The following IGF2R variants were observed in gnomAD, a reference collection of about 807,000 sequenced individuals.
IGF2R encodes cation-independent mannose-6-phosphate receptor.
IGF2R carries 91 observed loss-of-function variants against 270.6 expected under a neutral mutation model. The observed-to-expected ratio is 0.34, with a 90% confidence interval of 0.28 to 0.40. The LOEUF (loss-of-function observed/expected upper bound fraction) is 0.40, where lower values mean the gene tolerates loss of function less well. IGF2R is among the 10% of genes least tolerant of loss of function. IGF2R has a pLI of 1.00. For synonymous variants in IGF2R, 1,316 were observed against 1,258.9 expected, an observed-to-expected ratio of 1.05 and a Z score of -0.96; for missense variants, 2,805 against 3,188.3, an observed-to-expected ratio of 0.88 and a Z score of 2.90.
chr6:159,988,587 A>G (rs76665894), intron 1 of IGF2R, among the ~76,000 whole-genome samples: 6 of 145,110 alleles, frequency 4.1e-5, no homozygotes, highest in African/African-American at 1.3e-4. Context: ...GTTGATTCCT[A>G]CCAGTTAACT....
In IGF2R at chr6:160,027,194, G is replaced by A. The variant is rs777003793; in HGVS notation, c.656G>A (p.Arg219Gln). The A allele has an allele frequency of 1.1e-5, 17 of 1,614,188 alleles. No individual in the cohort carries two copies. The Admixed American group carries it at 1.3e-4, about 13-fold the overall frequency. The change falls in exon 6 of 48, where the codon CGA becomes CAA. Residue 219 changes from arginine (R) to glutamine (Q), a missense_variant. By Grantham distance (43) the Arg-to-Gln change is conservative (BLOSUM62 1). This residue lies in a region of IGF2R where 954 missense variants were observed against 981.1 expected (regional missense o/e 0.97). Coordinates refer to ENST00000356956, the MANE Select transcript of IGF2R (RefSeq NM_000876.4). ...INVCRDIDTLRDPGSQLRACP... is the reference protein window; with the variant it reads ...INVCRDIDTLQDPGSQLRACP... The stretch of plus-strand genomic sequence containing the variant: ...AATACATGATTTTCAGACACACTAC[G>A]AGACCCAGGTTCACAGCTGCGGGCC...
At chr6:160,009,666 G>A (rs563673730) in intron 3 of IGF2R, among the ~76,000 whole-genome samples, 2 of 152,284 alleles carry the variant, frequency 1.3e-5, no homozygotes, top group Admixed American at 6.5e-5. Context: ...TGGGCATATT[G>A]TATGTAATTT....
Position 160,089,899 on chromosome 6 carries a change from CT to C in IGF2R, c.6468-13del. On this transcript the variant is annotated splice_polypyrimidine_tract_variant and intron_variant, in intron 43 of 47. Transcript: ENST00000356956. ...TGAAGGACTTCCATGTCACTGTGAT[CT>C]TTTCTGTCTCTTCAGGCTGTTCAGA... 1 of 1,523,674 alleles carries C rather than the reference CT, an allele frequency of 6.6e-7. No individual in the cohort carries two copies. The highest frequency in any genetic ancestry group is 1.3e-5 in the South Asian group (1 of 79,382). 94.4% of individuals were successfully genotyped at this position (1,523,674 alleles called of 1,614,324 possible).
At chr6:160,077,139 C>T (rs984379050) in intron 36 of IGF2R, among the ~76,000 whole-genome samples, 1 of 152,166 alleles carries the variant, frequency 6.6e-6, no homozygotes, top group African/African-American at 2.4e-5. Flanking sequence ...CCCAGAGCAC[C>T]TCAAAGCCCT....
At chr6:160,019,653 T>A (rs1777386406) in intron 4 of IGF2R, among the ~76,000 whole-genome samples, 1 of 152,160 alleles carries the variant, frequency 6.6e-6, no homozygotes, top group South Asian at 2.1e-4. Flanking sequence ...GTTGCAAGGA[T>A]GGTTCAGTGT....
chr6:160,080,349 C>G, intron 39 of IGF2R, 74 bp downstream of exon 39: 1 of 1,408,052 alleles, frequency 7.1e-7, no homozygotes. Context: ...ACACTGAGAC[C>G]TTTGTGGATG....
Position 160,096,599 on chromosome 6 carries a change from G to GTACA in IGF2R, c.6817_6820dup (p.Thr2274IlefsTer13). On this transcript the variant is annotated frameshift_variant, in exon 45 of 48. Transcript: ENST00000356956. LOFTEE classifies it high-confidence loss of function. Reference sequence around the variant, plus strand: ...CCGACTGCCAGTACCTCTTCTCTTGGTACACCTCAGCCGTGTGTCCTCTGG... The same window carrying GTACA: ...CCGACTGCCAGTACCTCTTCTCTTGGTACATACACCTCAGCCGTGTGTCCTCTGG... 1 of 1,613,912 alleles carries GTACA rather than the reference G, an allele frequency of 6.2e-7. No individual in the cohort carries two copies. The highest frequency in any genetic ancestry group is 2.2e-5 in the East Asian group (1 of 44,872).
rs1253906614 is a variant in IGF2R at position 160,106,584 on chromosome 6, A to T, written c.*1500A>T. 1 of 152,098 alleles carries T rather than the reference A, an allele frequency of 6.6e-6. No homozygotes were observed. The highest frequency in any genetic ancestry group is 1.9e-4 in the East Asian group (1 of 5,196). 9.4% of individuals were successfully genotyped at this position (152,098 alleles called of 1,614,324 possible). On this transcript the variant is annotated 3_prime_UTR_variant, in exon 48 of 48. Transcript: ENST00000356956. ...TTACCATTTTTTCCTTGATAGTGAG[A>T]CGTTCCCGAGCGAGTTACCCATCTG...
At chr6:160,012,184 T>C (rs1050523654) in intron 4 of IGF2R, among the ~76,000 whole-genome samples, 13 of 151,920 alleles carry the variant, frequency 8.6e-5, no homozygotes, top group African/African-American at 3.1e-4. Context: ...AAGGCTGATA[T>C]TTAGGAGACA....
intron 12 of IGF2R, among the ~76,000 whole-genome samples, chr6:160,044,042 G>C (rs973471718): frequency 6.6e-6 from 1 of 152,174 alleles, no homozygotes; most frequent in African/African-American, 2.4e-5. Context: ...GCGGCCTCCT[G>C]CTTGGGTTGC....
intron 4 of IGF2R, among the ~76,000 whole-genome samples, chr6:160,017,828 T>C (rs1562344946): frequency 6.6e-6 from 1 of 152,142 alleles, no homozygotes; most frequent in Non-Finnish European, 1.5e-5. Context: ...TTGTCAGTAC[T>C]AGATGGACCA....
intron 28 of IGF2R, 62 bp from the exon 29 acceptor site, chr6:160,064,742 T>G (rs1778524603): frequency 7.9e-7 from 1 of 1,266,032 alleles, no homozygotes; most frequent in South Asian, 1.2e-5. Flanking sequence ...TTCTTAAAAC[T>G]CAAAGTATAA....
At chr6:160,011,116 C>CT (rs1456639448) in intron 4 of IGF2R, among the ~76,000 whole-genome samples, 1 of 152,188 alleles carries the variant, frequency 6.6e-6, no homozygotes, top group Non-Finnish European at 1.5e-5. Flanking sequence ...AGTATTCACT[C>CT]TACCTGCAGG....
At chr6:159,985,647 T>C (rs528392704) in intron 1 of IGF2R, among the ~76,000 whole-genome samples, 3 of 152,196 alleles carry the variant, frequency 2.0e-5, no homozygotes, top group Non-Finnish European at 2.9e-5. Context: ...TAACAGACAC[T>C]TCAGAAAATG....
At chr6:159,970,627 GTGACACTAGTTTA>G (rs1324518614) in intron 1 of IGF2R, among the ~76,000 whole-genome samples, 1 of 152,152 alleles carries the variant, frequency 6.6e-6, no homozygotes, top group Non-Finnish European at 1.5e-5. Flanking sequence ...GGGAGAGTTT[GTGACACTAGTTTA>G]AAGACCAGTT....
rs59369382 is a variant in IGF2R, at chr6:159,993,985, ATTTTT to A, written c.289+2683_289+2687del. Among the ~76,000 whole-genome samples the A allele has an allele frequency of 8.8e-3, 534 of 61,022 alleles. 2 individuals carry two copies. Among genetic ancestry groups the A allele is most frequent in the African/African-American group, 0.033 (521 of 15,590 alleles). 40.0% of individuals were successfully genotyped at this position (61,022 alleles called of 152,430 possible). A position where few individuals can be genotyped will look rare whatever the true frequency, so the allele number is the denominator to read the frequency against. On this transcript the variant is annotated intron_variant, in intron 2 of 47. Transcript: ENST00000356956. ...GTTAGGGAGGATTCCCTCCAACTTG[ATTTTT>A]TTTTTTTTTTTTTTTTTTTTCAGGG...
At chr6:160,090,263 G>A (rs189978793) in intron 44 of IGF2R, 160 bp downstream of exon 44, 4 of 503,140 alleles carry the variant, frequency 8.0e-6, no homozygotes, top group Non-Finnish European at 1.4e-5. Context: ...ACAGTGGATT[G>A]AGCGATACGT....
chr6:160,044,510 C>T lies in IGF2R; in HGVS notation c.1622-4C>T, dbSNP rs962678772. 4.4e-6 allele frequency: 7 copies of T among 1,598,776 alleles called. No homozygotes were observed. In the African/African-American group the frequency reaches 9.4e-5, roughly 21 times the overall value. ...CTTCTGTTTTCTCCCCCTTTCTCTT[C>T]CAGATAAAAATGGAAGTAAAAATCT... On this transcript the variant is annotated splice_polypyrimidine_tract_variant and splice_region_variant and intron_variant, in intron 12 of 47. Coordinates refer to ENST00000356956, the MANE Select transcript of IGF2R (RefSeq NM_000876.4).
intron 4 of IGF2R, among the ~76,000 whole-genome samples, chr6:160,022,020 A>ACACACC (rs112014953): frequency 0.15 from 23,141 of 151,670 alleles, 1,782 homozygotes; most frequent in Non-Finnish European, 0.18. Flanking sequence ...AAGAACACAC[A>ACACACC]CACACACACA....
Sources: gnomAD v4.1 joint callset for allele counts (sites outside exome capture counted in the v4.1 genomes callset) on GRCh38, gnomAD v4.1.1 for gene constraint, gnomAD v4.1.1 regional missense constraint, MANE v1.5 for transcripts, NCBI Gene and HGNC (gene_info 2026-07-23, HGNC 2026-07-21) for gene names.